CNTNAP2: variants seen among roughly 807,000 people sequenced by gnomAD.
CNTNAP2 encodes contactin associated protein 2, also known as contactin-associated protein-like 2.
A neutral mutation model predicts 155.2 loss-of-function variants in CNTNAP2; 98 were observed. The observed-to-expected ratio is 0.63, with a 90% CI of 0.54 to 0.75. The LOEUF (loss-of-function observed/expected upper bound fraction) is 0.75. CNTNAP2 is among the 30% of genes least tolerant of loss of function. CNTNAP2 has a pLI of 0.00. For synonymous variants in CNTNAP2, 651 were observed against 631.2 expected (o/e 1.03, Z -0.47); for missense variants, 1,727 against 1,688.1 (o/e 1.02, Z -0.40).
chr7:147,190,024 G>A (rs1382410443), intron 8 of CNTNAP2, among the ~76,000 whole-genome samples: 1 of 152,142 alleles, frequency 6.6e-6, no homozygotes, highest in Non-Finnish European at 1.5e-5. Context: ...GATTACAGGT[G>A]TGAGCCACCG....
chr7:146,298,203 G>T lies in CNTNAP2; in HGVS notation c.97+181230G>T, dbSNP rs527962720. Among the ~76,000 whole-genome samples, 360 of 152,262 alleles carry T rather than the reference G, an allele frequency of 2.4e-3. 2 individuals are homozygous for T. The highest frequency in any genetic ancestry group is 8.1e-3 in the African/African-American group (336 of 41,572). On this transcript the variant is annotated intron_variant, in intron 1 of 23. Transcript: ENST00000361727. ...AGCCACTATTTGCAAGTTGAATGTGGTTTTTTGCTTTGTTTTGTTTTGTTT... is the reference window on the plus strand; with the variant it reads ...AGCCACTATTTGCAAGTTGAATGTGTTTTTTTGCTTTGTTTTGTTTTGTTT...
rs568005424 is a variant in CNTNAP2, at chr7:147,024,215, A to G, written c.403-19692A>G. Among the ~76,000 whole-genome samples the G allele has an allele frequency of 1.1e-4, 16 of 152,366 alleles. 2 individuals are homozygous for G. The South Asian group carries it at 3.3e-3, about 32-fold the overall frequency. On this transcript the variant is annotated intron_variant, in intron 3 of 23. Coordinates refer to ENST00000361727, the MANE Select transcript of CNTNAP2 (RefSeq NM_014141.6). The stretch of plus-strand genomic sequence containing the variant: ...GGATTTTCTCAAGCACATTCTGCTA[A>G]TTTGTATTACGTTTAAAGAGAAAAA...
chr7:146,651,299 A>G (rs944396427), intron 1 of CNTNAP2, among the ~76,000 whole-genome samples: 1 of 152,178 alleles, frequency 6.6e-6, no homozygotes, highest in Non-Finnish European at 1.5e-5. Flanking sequence ...AGGAGGAAAA[A>G]CATAGGATCA....
chr7:146,927,812 G>A (rs2129221759), intron 3 of CNTNAP2, among the ~76,000 whole-genome samples: 1 of 151,686 alleles, frequency 6.6e-6, no homozygotes, highest in African/African-American at 2.4e-5. Context: ...TATGTCTTGG[G>A]CACTTTCTTC....
At chr7:146,178,493 A>G (rs1035841932) in intron 1 of CNTNAP2, among the ~76,000 whole-genome samples, 1 of 152,194 alleles carries the variant, frequency 6.6e-6, no homozygotes, top group Non-Finnish European at 1.5e-5. Context: ...ATATTACTCC[A>G]TACAATACAG....
intron 15 of CNTNAP2, among the ~76,000 whole-genome samples, chr7:148,026,976 T>C (rs917442906): frequency 6.6e-6 from 1 of 152,126 alleles, no homozygotes; most frequent in African/African-American, 2.4e-5. Flanking sequence ...TTGTTGTTTT[T>C]TTCTGAGCTT....
chr7:146,138,758 T>TA (rs1198292256), intron 1 of CNTNAP2, among the ~76,000 whole-genome samples: 1 of 152,150 alleles, frequency 6.6e-6, no homozygotes, highest in East Asian at 1.9e-4. Context: ...CATTTCTTTA[T>TA]AAATGCAACT....
chr7:146,930,180 G>A (rs959203706), intron 3 of CNTNAP2, among the ~76,000 whole-genome samples: 5 of 152,164 alleles, frequency 3.3e-5, no homozygotes, highest in Non-Finnish European at 7.4e-5. Context: ...GTTAAGGGCA[G>A]CCAGAGAGAA....
chr7:147,219,428 C>T (rs192559700), intron 8 of CNTNAP2, among the ~76,000 whole-genome samples: 62 of 152,230 alleles, frequency 4.1e-4, no homozygotes, highest in Non-Finnish European at 2.8e-4. Flanking sequence ...TCCAAGAGTC[C>T]AAAAGCTGAA....
chr7:147,770,317 G>A (rs569198640), intron 13 of CNTNAP2, among the ~76,000 whole-genome samples: 2 of 152,206 alleles, frequency 1.3e-5, no homozygotes, highest in South Asian at 4.1e-4. Flanking sequence ...CTATTTCAAA[G>A]TTGCAATACT....
rs185141916 is a variant in CNTNAP2 at position 146,301,807 on chromosome 7, G to T, written c.97+184834G>T. 2.6e-5 allele frequency among the ~76,000 whole-genome samples: 4 copies of T among 152,280 alleles called. No individual in the cohort carries two copies. In the East Asian group the frequency reaches 7.7e-4, roughly 29 times the overall value. ...AACATAAACACGGGAGGGACAGCCT[G>T]TGTGCTGGGTGTGGAAGTAACCAAA... On this transcript the variant is annotated intron_variant, in intron 1 of 23. Transcript: ENST00000361727.
At chr7:147,027,423 T>G (rs1798944120) in intron 3 of CNTNAP2, among the ~76,000 whole-genome samples, 1 of 152,244 alleles carries the variant, frequency 6.6e-6, no homozygotes, top group South Asian at 2.1e-4. Flanking sequence ...AACAAACATA[T>G]TGCTTCAATT....
chr7:147,058,251 G>A (rs1030912071), intron 4 of CNTNAP2, among the ~76,000 whole-genome samples: 6 of 152,248 alleles, frequency 3.9e-5, no homozygotes, highest in Non-Finnish European at 7.4e-5. Flanking sequence ...TAGTTTGGCC[G>A]GGGATTATTT....
intron 10 of CNTNAP2, among the ~76,000 whole-genome samples, chr7:147,445,926 T>C (rs2116558547): frequency 6.6e-6 from 1 of 151,990 alleles, no homozygotes; most frequent in East Asian, 1.9e-4. Flanking sequence ...TCCTCATTAA[T>C]TTTAAGATGA....
chr7:148,040,302 A>G (rs1802646743), intron 15 of CNTNAP2, among the ~76,000 whole-genome samples: 1 of 152,254 alleles, frequency 6.6e-6, no homozygotes, highest in African/African-American at 2.4e-5. Context: ...TGTATGCTCA[A>G]GATAAGCTTA....
intron 16 of CNTNAP2, among the ~76,000 whole-genome samples, chr7:148,126,602 G>A (rs1804721223): frequency 1.3e-5 from 2 of 152,208 alleles, no homozygotes. Context: ...GAGAAAGTCA[G>A]GGCACTGGGA....
Position 147,284,067 on chromosome 7 carries a change from G to A in CNTNAP2, c.1349-16074G>A, listed in dbSNP as rs539916554. On this transcript the variant is annotated intron_variant, in intron 8 of 23. Coordinates refer to ENST00000361727, the MANE Select transcript of CNTNAP2 (RefSeq NM_014141.6). ...GTGTTCCATGGCCATTGTGTTTAAT[G>A]TTTAGAGTCATCCAGAACGGCAAGT... Among the ~76,000 whole-genome samples the A allele has an allele frequency of 5.5e-4, 83 of 151,578 alleles. 2 individuals carry two copies. The highest frequency in any genetic ancestry group is 2.0e-3 in the African/African-American group (82 of 41,358).
intron 8 of CNTNAP2, among the ~76,000 whole-genome samples, chr7:147,208,536 G>A (rs898367528): frequency 2.0e-5 from 3 of 151,936 alleles, no homozygotes; most frequent in African/African-American, 7.2e-5. Flanking sequence ...TTTATTTACT[G>A]TCCCCTATGA....
intron 1 of CNTNAP2, among the ~76,000 whole-genome samples, chr7:146,370,299 G>A (rs73162189): frequency 0.02 from 2,885 of 147,186 alleles, 55 homozygotes; most frequent in Middle Eastern, 0.082. Flanking sequence ...ATTAGCCGGC[G>A]TGACAGCATG....
Sources: allele counts gnomAD v4.1 joint callset (sites outside exome capture counted in the v4.1 genomes callset), GRCh38; gene constraint gnomAD v4.1.1; transcripts MANE v1.5; gene names NCBI Gene and HGNC (gene_info 2026-07-23, HGNC 2026-07-21).